The following SLC24A2 variants were observed in gnomAD, a reference collection of about 807,000 sequenced individuals.
SLC24A2 encodes the protein solute carrier family 24 member 2, also known as sodium/potassium/calcium exchanger 2.
A neutral mutation model predicts 62.0 loss-of-function variants in SLC24A2; 36 were observed. The ratio of observed to expected loss-of-function variants is 0.58; its 90% CI spans 0.44 to 0.77. The LOEUF is 0.77. Ranked by LOEUF, SLC24A2 falls within the 30% of genes least tolerant of loss-of-function variation. The pLI, the probability that SLC24A2 is intolerant of heterozygous loss-of-function variation, is 0.00. For synonymous variants in SLC24A2, 358 were observed against 294.0 expected (o/e 1.22, Z -2.23); for missense variants, 846 against 817.9 (o/e 1.03, Z -0.42).
chr9:19,656,923 G>C (rs892684621), intron 2 of SLC24A2, among the ~76,000 whole-genome samples: 7 of 152,124 alleles, frequency 4.6e-5, no homozygotes, highest in Non-Finnish European at 7.4e-5. Flanking sequence ...CACCTCCTCA[G>C]GGATTCACTA....
the SLC24A2 span, among the ~76,000 whole-genome samples, chr9:20,093,637 A>C: frequency 6.6e-6 from 1 of 152,136 alleles, no homozygotes; most frequent in African/African-American, 2.4e-5. Context: ...CCTTTGTAGA[A>C]AACTGTTGTT....
At chr9:19,517,005 C>T (rs1472136305) in intron 10 of SLC24A2, among the ~76,000 whole-genome samples, 3 of 152,114 alleles carry the variant, frequency 2.0e-5, no homozygotes, top group Non-Finnish European at 2.9e-5. Context: ...TTAAGGAAGG[C>T]AGTATCTTAC....
the SLC24A2 span, among the ~76,000 whole-genome samples, chr9:20,108,496 CACCATGGAATACTA>C: frequency 2.0e-5 from 3 of 152,188 alleles, no homozygotes. Flanking sequence ...GGCACATATA[CACCATGGAATACTA>C]TGCAGCCATC....
chr9:20,144,826 T>A, the SLC24A2 span, among the ~76,000 whole-genome samples: 1 of 152,120 alleles, frequency 6.6e-6, no homozygotes, highest in Non-Finnish European at 1.5e-5. Context: ...TAAATGCTCT[T>A]TGGAAATGTT....
At chr9:20,090,591 T>C in the SLC24A2 span, among the ~76,000 whole-genome samples, 1 of 151,768 alleles carries the variant, frequency 6.6e-6, no homozygotes, top group African/African-American at 2.4e-5. Context: ...AACAGCAAAA[T>C]TACCTAACAC....
the SLC24A2 span, among the ~76,000 whole-genome samples, chr9:20,130,482 G>C: frequency 6.6e-6 from 1 of 151,714 alleles, no homozygotes; most frequent in Non-Finnish European, 1.5e-5. Context: ...TCCAGGCAAA[G>C]GAAACCACAC....
the SLC24A2 span, among the ~76,000 whole-genome samples, chr9:20,283,147 G>A: frequency 6.6e-6 from 1 of 152,192 alleles, no homozygotes; most frequent in East Asian, 1.9e-4. Context: ...TTTCCCAATC[G>A]GATAGGTCGA....
chr9:19,963,819 C>T, the SLC24A2 span, among the ~76,000 whole-genome samples: 18 of 152,102 alleles, frequency 1.2e-4, no homozygotes, highest in South Asian at 2.1e-4. Flanking sequence ...GGCGATTCCT[C>T]GGGGACCTAG....
At chr9:20,081,977 A>G in the SLC24A2 span, among the ~76,000 whole-genome samples, 1 of 152,154 alleles carries the variant, frequency 6.6e-6, no homozygotes, top group Non-Finnish European at 1.5e-5. Flanking sequence ...AATTCCAGCC[A>G]TCCCTCATCA....
the SLC24A2 span, among the ~76,000 whole-genome samples, chr9:20,211,374 T>C: frequency 6.6e-6 from 1 of 152,120 alleles, no homozygotes; most frequent in African/African-American, 2.4e-5. Flanking sequence ...TAGCTGGGTA[T>C]GGTGGCACAT....
At chr9:19,544,890 G>C (rs891576044) in intron 8 of SLC24A2, among the ~76,000 whole-genome samples, 2 of 152,130 alleles carry the variant, frequency 1.3e-5, no homozygotes, top group Admixed American at 6.5e-5. Flanking sequence ...TGGTGAATCT[G>C]ATGATTATGT....
the SLC24A2 span, among the ~76,000 whole-genome samples, chr9:20,136,793 T>C: frequency 1.5e-4 from 23 of 152,290 alleles, no homozygotes; most frequent in East Asian, 4.3e-3. Flanking sequence ...GCTGTCTTAC[T>C]TTGGCAGAAG....
the SLC24A2 span, among the ~76,000 whole-genome samples, chr9:19,892,136 C>G: frequency 6.6e-6 from 1 of 152,064 alleles, no homozygotes; most frequent in African/African-American, 2.4e-5. Flanking sequence ...GGTCTTTGCA[C>G]TTGCTTTTTC....
upstream of SLC24A2, among the ~76,000 whole-genome samples, chr9:19,792,829 C>T (rs1823336456): frequency 6.6e-6 from 1 of 152,206 alleles, no homozygotes; most frequent in South Asian, 2.1e-4. Context: ...ACATATACAA[C>T]CTTTTTTCTG....
intron 9 of SLC24A2, among the ~76,000 whole-genome samples, chr9:19,526,529 T>A (rs968769879): frequency 3.9e-5 from 6 of 152,218 alleles, no homozygotes; most frequent in African/African-American, 1.2e-4. Flanking sequence ...TCTGTCTTTT[T>A]GATTATACCC....
intron 5 of SLC24A2, among the ~76,000 whole-genome samples, chr9:19,596,127 A>G: frequency 6.6e-6 from 1 of 152,148 alleles, no homozygotes. Flanking sequence ...GCCAGAGTGG[A>G]GAGGGGCTGG....
chr9:19,548,860 C>G (rs1586938200), intron 8 of SLC24A2, among the ~76,000 whole-genome samples: 1 of 152,282 alleles, frequency 6.6e-6, no homozygotes, highest in African/African-American at 2.4e-5. Flanking sequence ...GTGTGCTGTT[C>G]CAAACAGAAA....
chr9:19,916,981 GTTTTT>G, the SLC24A2 span, among the ~76,000 whole-genome samples: 5 of 72,022 alleles, frequency 6.9e-5, no homozygotes, highest in African/African-American at 1.6e-4. Flanking sequence ...TAACTTACCT[GTTTTT>G]TTTTTTTTTT....
the SLC24A2 span, among the ~76,000 whole-genome samples, chr9:20,011,121 A>G: frequency 6.6e-6 from 1 of 152,144 alleles, no homozygotes; most frequent in African/African-American, 2.4e-5. Context: ...TTGGGTATAT[A>G]TCCAGTAATG....
Sources: allele counts gnomAD v4.1 joint callset (sites outside exome capture counted in the v4.1 genomes callset), GRCh38; gene constraint gnomAD v4.1.1; transcripts MANE v1.5; gene names NCBI Gene and HGNC (gene_info 2026-07-23, HGNC 2026-07-21).